ARMC3: variants seen among roughly 807,000 people sequenced by gnomAD.
ARMC3 encodes the protein armadillo repeat containing 3.
In ARMC3, 74 loss-of-function variants were observed where a neutral mutation model predicts 90.3. The ratio of observed to expected loss-of-function variants is 0.82; its 90% confidence interval spans 0.68 to 0.99. The LOEUF is 0.99. Ranked by LOEUF, ARMC3 falls within the 50% of genes least tolerant of loss-of-function variation. The pLI is 0.00. For missense variants in ARMC3, 958 were observed against 1,042.8 expected, an observed-to-expected ratio of 0.92 and a Z score of 1.12; for synonymous variants, 334 against 361.8, an observed-to-expected ratio of 0.92 and a Z score of 0.87.
At position 22,946,267 on chromosome 10, in the gene ARMC3, G is replaced by A. The variant is rs746421248; in HGVS notation, c.166+6G>A. On this transcript the variant is annotated splice_donor_region_variant and intron_variant, in intron 3 of 18. Transcript: ENST00000298032. Reference sequence around the variant, plus strand: ...TTATAAATTTGCTTTAAAAGGTTTGGATTTTTTTCAGTTTATCTTTCTGTT... The same window carrying A: ...TTATAAATTTGCTTTAAAAGGTTTGAATTTTTTTCAGTTTATCTTTCTGTT... 3.2e-5 allele frequency: 49 copies of A among 1,555,102 alleles called. No individual in the cohort carries two copies. Among genetic ancestry groups the A allele is most frequent in the Non-Finnish European group, 4.1e-5 (47 of 1,132,858 alleles).
chr10:22,968,487 A>T lies in ARMC3; in HGVS notation c.914A>T (p.Asp305Val), dbSNP rs533968216. The change falls in exon 8 of 19, where the codon GAT becomes GTT. Residue 305 changes from aspartate (D) to valine (V), a missense_variant and splice_region_variant. Transcript: ENST00000298032. ...AAAGCCATTACTAAAGCAGCTTATG[A>T]TCGTATGTCTCATTTTATTTTATTT... is the stretch of plus-strand genomic sequence containing the variant. ...AAKAITKAAY[D>V]PENRKLFHEQ... 1 of 1,571,076 alleles carries T rather than the reference A, an allele frequency of 6.4e-7. No homozygotes were observed. Among genetic ancestry groups the T allele is most frequent in the African/African-American group, 1.4e-5 (1 of 72,502 alleles).
chr10:22,998,987 G>T (rs1837154846), intron 11 of ARMC3, among the ~76,000 whole-genome samples: 2 of 152,212 alleles, frequency 1.3e-5, no homozygotes, highest in African/African-American at 4.8e-5. Context: ...GAAAGCGGTT[G>T]CTTCTGTAGG....
intron 16 of ARMC3, among the ~76,000 whole-genome samples, chr10:23,020,203 A>G (rs1838454330): frequency 6.6e-6 from 1 of 152,124 alleles, no homozygotes. Context: ...ATCTTGGCTC[A>G]CTGCAACCTC....
In ARMC3 at chr10:23,003,348, A is replaced by G. The variant is rs1837410457; in HGVS notation, c.1665A>G (p.Lys555=). Residue 555 remains lysine, a synonymous_variant, in exon 13 of 19, where the codon AAA becomes AAG. Transcript: ENST00000298032. ...TGCTCAATAACAATCTTTCCCTGAAATACAGCCAGACTGGCTATTTGTCAT... is the reference window on the plus strand; with the variant it reads ...TGCTCAATAACAATCTTTCCCTGAAGTACAGCCAGACTGGCTATTTGTCAT... ...NKLLNNNLSL[K]YSQTGYLSSS... The G allele has an allele frequency of 1.2e-6, 2 of 1,613,326 alleles. No homozygotes were observed. Among genetic ancestry groups the G allele is most frequent in the Admixed American group, 1.7e-5 (1 of 59,944 alleles).
At chr10:22,947,286 G>A (rs953772562) in intron 3 of ARMC3, among the ~76,000 whole-genome samples, 1 of 151,024 alleles carries the variant, frequency 6.6e-6, no homozygotes, top group Non-Finnish European at 1.5e-5. Context: ...AGCCTGGGCA[G>A]CAGAGAGAGA....
chr10:22,987,033 A>G (rs1263289619), intron 10 of ARMC3, among the ~76,000 whole-genome samples: 3 of 152,214 alleles, frequency 2.0e-5, no homozygotes, highest in Non-Finnish European at 4.4e-5. Flanking sequence ...ATAAAAATGG[A>G]AACCAAGAAG....
intron 10 of ARMC3, 86 bp from the exon 11 acceptor site, chr10:22,998,062 A>G (rs1837078627): frequency 2.1e-6 from 3 of 1,444,602 alleles, no homozygotes; most frequent in East Asian, 2.4e-5. Flanking sequence ...TTCTGTACTC[A>G]TTTGTTTTAG....
chr10:23,028,524 AATAAGTT>A (rs1838805938), intron 16 of ARMC3, among the ~76,000 whole-genome samples: 1 of 152,202 alleles, frequency 6.6e-6, no homozygotes, highest in Non-Finnish European at 1.5e-5. Flanking sequence ...TTTAGATTAT[AATAAGTT>A]ATAAGTCCTA....
chr10:22,999,316 G>C (rs1242315351), intron 11 of ARMC3, among the ~76,000 whole-genome samples: 2 of 152,200 alleles, frequency 1.3e-5, no homozygotes, highest in Non-Finnish European at 2.9e-5. Context: ...GCGAGGTGGA[G>C]GCAGGCGGAT....
intron 6 of ARMC3, chr10:22,961,175 G>T (rs989626580): frequency 6.6e-6 from 1 of 152,204 alleles, no homozygotes; most frequent in South Asian, 2.1e-4. Context: ...ACAGGGGAAA[G>T]CTAAGCTATA....
chr10:22,935,207 A>T (rs1041420401), intron 2 of ARMC3, among the ~76,000 whole-genome samples: 21 of 152,288 alleles, frequency 1.4e-4, no homozygotes, highest in African/African-American at 4.3e-4. Flanking sequence ...AATCAGAGCA[A>T]TGGAAAGTAG....
In ARMC3 at chr10:22,998,142, AC is replaced by A; in HGVS notation, c.1176-5del. ...AATCACATTCATTTCTCTTTCATTT[AC>A]TCAGCGCTGCTGCTGAAGCTGATGG... is the stretch of plus-strand genomic sequence containing the variant. On this transcript the variant is annotated splice_polypyrimidine_tract_variant and splice_region_variant and intron_variant, in intron 10 of 18. Transcript: ENST00000298032. The A allele has an allele frequency of 6.2e-7, 1 of 1,613,172 alleles. No homozygotes were observed. The highest frequency in any genetic ancestry group is 8.5e-7 in the Non-Finnish European group (1 of 1,179,560).
At chr10:22,954,509 G>GA (rs1246053718) in intron 3 of ARMC3, among the ~76,000 whole-genome samples, 5,352 of 136,050 alleles carry the variant, frequency 0.039, 289 homozygotes, top group African/African-American at 0.13. Context: ...AAAAAAATTC[G>GA]AAAAAAAAAA....
At chr10:23,027,847 C>CT (rs141772897) in intron 16 of ARMC3, among the ~76,000 whole-genome samples, 22,644 of 151,990 alleles carry the variant, frequency 0.15, 1,832 homozygotes, top group African/African-American at 0.17. Flanking sequence ...TTTTTTCAAT[C>CT]TTTTGTTTTC....
chr10:22,932,809 C>T (rs1375707825), intron 2 of ARMC3, among the ~76,000 whole-genome samples: 1 of 152,170 alleles, frequency 6.6e-6, no homozygotes. Flanking sequence ...CCCTTGGGAG[C>T]TTTGTGGTTA....
intron 10 of ARMC3, among the ~76,000 whole-genome samples, chr10:22,997,579 C>T (rs1405950880): frequency 1.3e-5 from 2 of 152,186 alleles, no homozygotes; most frequent in Admixed American, 6.5e-5. Flanking sequence ...TTGCTGCTTT[C>T]AAACCTGTTC....
intron 3 of ARMC3, among the ~76,000 whole-genome samples, chr10:22,950,192 C>T (rs1331719352): frequency 6.6e-6 from 1 of 151,692 alleles, no homozygotes; most frequent in African/African-American, 2.4e-5. Flanking sequence ...CATGGATCTA[C>T]AAAAAAGAAT....
Position 22,934,325 on chromosome 10 carries a change from C to T in ARMC3, c.48+2281C>T, listed in dbSNP as rs551983447. Among the ~76,000 whole-genome samples, 4 of 152,242 alleles carry T rather than the reference C, an allele frequency of 2.6e-5. No homozygotes were observed. The South Asian group carries it at 8.3e-4, about 32-fold the overall frequency. On this transcript the variant is annotated intron_variant, in intron 2 of 18. Transcript: ENST00000298032. ...TCATTTGTCATAACATTAATATATG[C>T]AGATATAGTACTGATTACATTTCCT...
intron 16 of ARMC3, among the ~76,000 whole-genome samples, chr10:23,019,605 G>A (rs1392727379): frequency 6.6e-6 from 1 of 151,992 alleles, no homozygotes; most frequent in Non-Finnish European, 1.5e-5. Flanking sequence ...GTGCAGTGGT[G>A]TGATCTTGGT....
Sources: gnomAD v4.1 joint callset for allele counts (sites outside exome capture counted in the v4.1 genomes callset) on GRCh38, gnomAD v4.1.1 for gene constraint, MANE v1.5 for transcripts, NCBI Gene and HGNC (gene_info 2026-07-23, HGNC 2026-07-21) for gene names.